The following CFAP54 variants were observed in gnomAD, a reference collection of about 807,000 sequenced individuals.
CFAP54 encodes cilia and flagella associated protein 54.
A neutral mutation model predicts 370.4 loss-of-function variants in CFAP54; 290 were observed. That is an observed-to-expected ratio of 0.78 (90% CI 0.71 to 0.86). CFAP54 has a LOEUF of 0.86. Among genes scored for constraint, CFAP54 ranks in the 40% least tolerant of loss-of-function variants. The pLI is 0.00. For synonymous variants in CFAP54, 1,206 were observed against 1,236.5 expected, an observed-to-expected ratio of 0.98 and a Z score of 0.52; for missense variants, 3,399 against 3,528.7, an observed-to-expected ratio of 0.96 and a Z score of 0.93.
chr12:96,529,362 C>T (rs968322884), intron 9 of CFAP54, among the ~76,000 whole-genome samples: 10 of 152,198 alleles, frequency 6.6e-5, no homozygotes, highest in Non-Finnish European at 1.2e-4. Context: ...ATATGTTAAA[C>T]ATCTGCTATG....
intron 66 of CFAP54, among the ~76,000 whole-genome samples, chr12:96,857,801 A>G (rs1052745022): frequency 6.6e-6 from 1 of 152,186 alleles, no homozygotes; most frequent in African/African-American, 2.4e-5. Flanking sequence ...GCTTTCTGCC[A>G]TAATTACAAG....
At chr12:96,675,634 C>A (rs1957196973) in intron 39 of CFAP54, among the ~76,000 whole-genome samples, 2 of 152,162 alleles carry the variant, frequency 1.3e-5, no homozygotes, top group East Asian at 1.9e-4. Context: ...AAGACACATG[C>A]ATAAGTATGT....
intron 39 of CFAP54, among the ~76,000 whole-genome samples, chr12:96,678,261 TTTAA>T (rs1957232963): frequency 6.6e-6 from 1 of 152,138 alleles, no homozygotes; most frequent in South Asian, 2.1e-4. Context: ...TTTTTGTATT[TTTAA>T]TTAATTTTTT....
At chr12:96,522,250 C>A in intron 8 of CFAP54, 61 bp downstream of exon 8, 1 of 1,134,010 alleles carries the variant, frequency 8.8e-7, no homozygotes, top group Non-Finnish European at 1.2e-6. Flanking sequence ...GTATTATGCT[C>A]CTATGTCTTT....
chr12:96,761,859 C>T (rs1007650747), intron 58 of CFAP54, among the ~76,000 whole-genome samples: 27 of 152,152 alleles, frequency 1.8e-4, no homozygotes, highest in African/African-American at 6.5e-4. Flanking sequence ...TCTACCTTTA[C>T]TTGAGTTTCC....
chr12:96,765,916 A>C (rs1278160491), intron 60 of CFAP54, among the ~76,000 whole-genome samples: 1 of 152,154 alleles, frequency 6.6e-6, no homozygotes, highest in Non-Finnish European at 1.5e-5. Flanking sequence ...CCATTATTTC[A>C]CTCAAAAAAT....
At chr12:96,572,967 G>A in intron 19 of CFAP54, 1 of 985,336 alleles carries the variant, frequency 1.0e-6, no homozygotes, top group South Asian at 4.7e-5. Flanking sequence ...GTGTTCAATT[G>A]GTTCACTGAA....
At chr12:96,606,538 T>C (rs1204542774) in intron 26 of CFAP54, among the ~76,000 whole-genome samples, 2 of 152,234 alleles carry the variant, frequency 1.3e-5, no homozygotes, top group African/African-American at 2.4e-5. Context: ...AAAGTATTTA[T>C]TGTAGCTCAA....
At chr12:96,850,746 T>A (rs895365424) in intron 66 of CFAP54, among the ~76,000 whole-genome samples, 2 of 151,780 alleles carry the variant, frequency 1.3e-5, no homozygotes, top group African/African-American at 2.4e-5. Flanking sequence ...CTTACAATCA[T>A]GGTGCAAGGC....
rs1442107268 is a variant in CFAP54, at chr12:96,698,319, T to G, written c.6352-1652T>G. On this transcript the variant is annotated intron_variant, in intron 45 of 67. Transcript: ENST00000524981. The stretch of plus-strand genomic sequence containing the variant: ...ATAAAATATATCGCTATAAATTGAT[T>G]AATATTTTAAAATATATGTATTTAA... 2.0e-5 allele frequency among the ~76,000 whole-genome samples: 3 copies of G among 152,198 alleles called. No homozygotes were observed. The East Asian group carries it at 5.8e-4, about 29-fold the overall frequency.
At chr12:96,621,907 T>TTTTTA (rs1956499400) in intron 27 of CFAP54, among the ~76,000 whole-genome samples, 186 bp downstream of exon 27, 1 of 95,014 alleles carries the variant, frequency 1.1e-5, no homozygotes, top group East Asian at 2.5e-4. Context: ...TTTTTTTTTT[T>TTTTTA]AGTTATGGTC....
chr12:96,836,421 T>G (rs1209993631), intron 66 of CFAP54, among the ~76,000 whole-genome samples: 1 of 152,124 alleles, frequency 6.6e-6, no homozygotes, highest in Admixed American at 6.5e-5. Flanking sequence ...GCTTTCTCAG[T>G]GTAGGAATGG....
intron 31 of CFAP54, 54 bp downstream of exon 31, chr12:96,630,258 A>G: frequency 2.2e-6 from 2 of 914,104 alleles, no homozygotes; most frequent in Non-Finnish European, 3.3e-6. Flanking sequence ...AGATTCATGT[A>G]TCTAGAGATG....
chr12:96,530,216 A>G (rs1394787610), intron 9 of CFAP54, among the ~76,000 whole-genome samples: 3 of 152,184 alleles, frequency 2.0e-5, no homozygotes, highest in African/African-American at 7.2e-5. Context: ...TTGGCGGGGT[A>G]CCATGGCTCA....
chr12:96,576,462 C>T (rs1592859346), intron 19 of CFAP54, 123 bp from the exon 20 acceptor site: 2 of 713,444 alleles, frequency 2.8e-6, no homozygotes, highest in East Asian at 5.6e-5. Context: ...TATATTTGAG[C>T]CTCTGAGGCT....
chr12:96,721,442 G>T (rs956903070), intron 50 of CFAP54, among the ~76,000 whole-genome samples: 1 of 152,146 alleles, frequency 6.6e-6, no homozygotes, highest in African/African-American at 2.4e-5. Context: ...ATATAAAGAT[G>T]CATAGAATAC....
chr12:96,760,706 A>G (rs11108680), intron 58 of CFAP54, among the ~76,000 whole-genome samples: 55,138 of 151,840 alleles, frequency 0.36, 10,728 homozygotes, highest in East Asian at 0.58. Context: ...CTAATAGAAT[A>G]ATAGATTTTG....
At chr12:96,523,575 T>C (rs1243552862) in intron 8 of CFAP54, among the ~76,000 whole-genome samples, 1 of 152,242 alleles carries the variant, frequency 6.6e-6, no homozygotes, top group African/African-American at 2.4e-5. Flanking sequence ...ACCAACAGTA[T>C]ATTAATTGGC....
At chr12:96,627,668 A>T (rs1363716822) in intron 30 of CFAP54, among the ~76,000 whole-genome samples, 2 of 152,234 alleles carry the variant, frequency 1.3e-5, no homozygotes, top group Non-Finnish European at 2.9e-5. Context: ...AGCTTAGAGT[A>T]TATATATGCT....
Sources: allele counts gnomAD v4.1 joint callset (sites outside exome capture counted in the v4.1 genomes callset), GRCh38; gene constraint gnomAD v4.1.1; transcripts MANE v1.5; gene names NCBI Gene and HGNC (gene_info 2026-07-23, HGNC 2026-07-21).